SV2C: variants seen among roughly 807,000 people sequenced by gnomAD.
The protein encoded by SV2C is solute carrier family 22 member B3.
SV2C carries 49 observed loss-of-function variants against 79.7 expected under a neutral mutation model. The observed-to-expected ratio is 0.61, with a 90% CI of 0.49 to 0.78. The LOEUF is 0.78. Ranked by LOEUF, SV2C falls within the 30% of genes least tolerant of loss-of-function variation. SV2C has a pLI of 0.00. For missense variants in SV2C, 833 were observed against 912.9 expected (o/e 0.91, Z 1.13); for synonymous variants, 334 against 333.2 (o/e 1.00, Z -0.03).
chr5:76,100,719 G>A (rs955634884), intron 1 of SV2C, among the ~76,000 whole-genome samples: 2 of 152,158 alleles, frequency 1.3e-5, no homozygotes, highest in Admixed American at 1.3e-4. Context: ...TTCAGTAAAA[G>A]AAGTCCAGAA....
the SV2C span, among the ~76,000 whole-genome samples, chr5:76,007,710 C>T: frequency 5.3e-5 from 8 of 152,112 alleles, no homozygotes; most frequent in Non-Finnish European, 1.0e-4. Context: ...GTGCTGGGGA[C>T]ATGACAGTGA....
intron 4 of SV2C, among the ~76,000 whole-genome samples, chr5:76,269,009 C>CT (rs1158011004): frequency 6.6e-6 from 1 of 152,222 alleles, no homozygotes; most frequent in Non-Finnish European, 1.5e-5. Context: ...TATCCTCAAG[C>CT]TTTTGGTCTA....
chr5:76,278,187 T>C (rs902041910), intron 4 of SV2C, among the ~76,000 whole-genome samples: 10 of 152,166 alleles, frequency 6.6e-5, no homozygotes, highest in Non-Finnish European at 1.3e-4. Context: ...TGTGTGTGTG[T>C]GTTCAACAAA....
the SV2C span, among the ~76,000 whole-genome samples, chr5:76,061,022 A>G: frequency 3.3e-5 from 5 of 152,162 alleles, no homozygotes; most frequent in South Asian, 1.0e-3. Context: ...TGGAGCAAAC[A>G]CAACATTTAT....
the SV2C span, among the ~76,000 whole-genome samples, chr5:76,035,236 T>G: frequency 2.0e-5 from 3 of 152,024 alleles, no homozygotes; most frequent in East Asian, 1.9e-4. Flanking sequence ...GTTTTTTTTT[T>G]TGTCTCTATT....
chr5:76,205,888 G>T (rs754291799), intron 3 of SV2C, among the ~76,000 whole-genome samples: 2 of 152,150 alleles, frequency 1.3e-5, no homozygotes, highest in African/African-American at 2.4e-5. Context: ...CTAGATGTCA[G>T]CAGCAGCCCC....
chr5:76,121,866 C>G (rs1417078801), intron 1 of SV2C, among the ~76,000 whole-genome samples: 1 of 151,714 alleles, frequency 6.6e-6, no homozygotes, highest in African/African-American at 2.4e-5. Flanking sequence ...TTTTTTGGTT[C>G]CATATGAACT....
intron 1 of SV2C, among the ~76,000 whole-genome samples, chr5:76,106,375 G>T (rs1460209065): frequency 4.6e-5 from 7 of 152,162 alleles, no homozygotes; most frequent in African/African-American, 1.7e-4. Context: ...TGTCCTCCTG[G>T]AGTTCATCCT....
the SV2C span, among the ~76,000 whole-genome samples, chr5:75,892,653 T>C: frequency 6.6e-6 from 1 of 152,140 alleles, no homozygotes; most frequent in East Asian, 1.9e-4. Flanking sequence ...ACCCATTGTT[T>C]AGCTCCCACC....
intron 1 of SV2C, among the ~76,000 whole-genome samples, chr5:76,088,407 C>T (rs1354870483): frequency 6.6e-6 from 1 of 152,224 alleles, no homozygotes; most frequent in East Asian, 1.9e-4. Flanking sequence ...AAATTTATTG[C>T]TCACAATTCT....
At chr5:76,281,438 G>A (rs1747192908) in intron 4 of SV2C, among the ~76,000 whole-genome samples, 1 of 151,410 alleles carries the variant, frequency 6.6e-6, no homozygotes, top group Admixed American at 6.6e-5. Context: ...GTTTTATAGA[G>A]AATGCTACGG....
intron 4 of SV2C, among the ~76,000 whole-genome samples, chr5:76,254,253 TATATAG>T (rs934030323): frequency 2.0e-5 from 3 of 147,656 alleles, no homozygotes; most frequent in Admixed American, 6.8e-5. Flanking sequence ...TATATATATA[TATATAG>T]AGAGAGAGAG....
At chr5:76,032,700 A>G in the SV2C span, among the ~76,000 whole-genome samples, 2 of 152,222 alleles carry the variant, frequency 1.3e-5, no homozygotes, top group Non-Finnish European at 2.9e-5. Context: ...TAATGCCGCA[A>G]TAAACATATG....
At chr5:76,050,600 C>T in the SV2C span, among the ~76,000 whole-genome samples, 1 of 151,756 alleles carries the variant, frequency 6.6e-6, no homozygotes, top group African/African-American at 2.4e-5. Flanking sequence ...TTCACTCTCT[C>T]TCTTTTTCTC....
chr5:76,303,702 T>G lies in SV2C; in HGVS notation c.2000+2157T>G, dbSNP rs889781598. 3.9e-5 allele frequency among the ~76,000 whole-genome samples: 6 copies of G among 152,186 alleles called. No individual in the cohort carries two copies. The South Asian group carries it at 1.0e-3, about 26-fold the overall frequency. ...GTCCTTCCTGTGAGAAGTACAGACC[T>G]ACGGTGTTTCTGTTGTCAGAAAGGT... On this transcript the variant is annotated intron_variant, in intron 12 of 12. Transcript: ENST00000502798.
chr5:75,929,766 A>T, the SV2C span, among the ~76,000 whole-genome samples: 1 of 152,158 alleles, frequency 6.6e-6, no homozygotes, highest in African/African-American at 2.4e-5. Context: ...AAATTATTTT[A>T]TGTAGTTTTA....
intron 4 of SV2C, among the ~76,000 whole-genome samples, chr5:76,243,012 T>TAAAAAAAAAAAAAAAAAAAAAAAA (rs559052290): frequency 8.0e-5 from 4 of 49,924 alleles, no homozygotes; most frequent in Non-Finnish European, 1.1e-4. Flanking sequence ...AGACCCCATC[T>TAAAAAAAAAAAAAAAAAAAAAAAA]AAAAAAAAAA....
intron 2 of SV2C, among the ~76,000 whole-genome samples, chr5:76,177,253 G>A (rs966442178): frequency 4.0e-5 from 6 of 149,500 alleles, no homozygotes; most frequent in South Asian, 2.1e-4. Context: ...TCTTAATGCT[G>A]TATTTCTTAT....
In SV2C at chr5:76,174,088, G is replaced by GTA. The variant is rs1561249355; in HGVS notation, c.581-20829_581-20828dup. ...TATAAGAATCTTCTATCGTAGGATC[G>GTA]TATTTTTCTACAAAAATTCCTTGAA... On this transcript the variant is annotated intron_variant, in intron 2 of 12. Transcript: ENST00000502798. 8.2e-6 allele frequency: 13 copies of GTA among 1,578,614 alleles called. No individual in the cohort carries two copies. The South Asian group carries it at 1.3e-4, about 16-fold the overall frequency.
Sources: gnomAD v4.1 joint callset for allele counts (sites outside exome capture counted in the v4.1 genomes callset) on GRCh38, gnomAD v4.1.1 for gene constraint, MANE v1.5 for transcripts, NCBI Gene and HGNC (gene_info 2026-07-23, HGNC 2026-07-21) for gene names.